DSCAML1: variants seen among roughly 807,000 people sequenced by gnomAD.
DSCAML1 encodes the protein DS cell adhesion molecule like 1, also known as cell adhesion molecule DSCAML1.
DSCAML1 carries 38 observed loss-of-function variants against 200.5 expected under a neutral mutation model. That is an observed-to-expected ratio of 0.19 (90% CI 0.15 to 0.25). The LOEUF is 0.25. DSCAML1 is among the 10% of genes least tolerant of loss of function. DSCAML1 has a pLI of 1.00. For missense variants in DSCAML1, 2,223 were observed against 2,858.8 expected (o/e 0.78, Z 5.07); for synonymous variants, 1,215 against 1,165.0 (o/e 1.04, Z -0.87).
At chr11:117,610,602 A>C (rs939100368) in intron 3 of DSCAML1, among the ~76,000 whole-genome samples, 2 of 151,904 alleles carry the variant, frequency 1.3e-5, no homozygotes, top group African/African-American at 4.8e-5. Flanking sequence ...GACCTCCCAC[A>C]GCCAGACACC....
intron 3 of DSCAML1, among the ~76,000 whole-genome samples, chr11:117,632,327 G>C (rs1230530885): frequency 6.6e-6 from 1 of 152,166 alleles, no homozygotes; most frequent in African/African-American, 2.4e-5. Flanking sequence ...GGCTGCTCTT[G>C]CTGCTGGTTT....
At position 117,518,637 on chromosome 11, in the gene DSCAML1, G is replaced by A; in HGVS notation, c.1339C>T (p.Pro447Ser). 6.2e-7 allele frequency: 1 copy of A among 1,613,448 alleles called. No individual in the cohort carries two copies. The highest frequency in any genetic ancestry group is 8.5e-7 in the Non-Finnish European group (1 of 1,179,910). ...CGGTGGCTGCCATCCCGCACGATGG[G>A]CTCATCGTCGAGGGCCCAGGTGACC... is the stretch of plus-strand genomic sequence containing the variant. ...PTVTWALDDE[P>S]IVRDGSHRTN... The change falls in exon 7 of 33, where the codon CCC (proline) becomes TCC (serine). Residue 447 changes from proline (P) to serine (S), a missense_variant. By Grantham distance (74) the Pro-to-Ser change is moderately conservative. Around this residue, in one of 7 missense-constraint regions of DSCAML1, gnomAD observed 579 missense variants for 721.5 expected, o/e 0.80. Coordinates refer to ENST00000651296, the MANE Select transcript of DSCAML1 (RefSeq NM_020693.4). The surrounding 1 kb of genome is among the most constrained non-coding windows in gnomAD (Gnocchi z 6.3).
chr11:117,568,258 G>A (rs2050789276), intron 3 of DSCAML1, among the ~76,000 whole-genome samples: 1 of 152,102 alleles, frequency 6.6e-6, no homozygotes, highest in African/African-American at 2.4e-5. Context: ...CAAACCCACA[G>A]CCAATATCAT....
chr11:117,744,290 C>G (rs1451477054), intron 3 of DSCAML1, among the ~76,000 whole-genome samples: 1 of 152,210 alleles, frequency 6.6e-6, no homozygotes, highest in Non-Finnish European at 1.5e-5. Flanking sequence ...TGGCCTGCGT[C>G]CAGCTCTTGA....
chr11:117,649,034 C>CATAT (rs150907068), intron 3 of DSCAML1, among the ~76,000 whole-genome samples: 32,674 of 122,728 alleles, frequency 0.27, 5,088 homozygotes, highest in Non-Finnish European at 0.34. Flanking sequence ...TCTCTCTCTC[C>CATAT]ATATATATGT....
intron 14 of DSCAML1, among the ~76,000 whole-genome samples, chr11:117,474,640 G>T (rs1441742279): frequency 6.6e-6 from 1 of 151,950 alleles, no homozygotes; most frequent in Non-Finnish European, 1.5e-5. Flanking sequence ...TGCTTACCCA[G>T]CAACTTCCTG....
chr11:117,634,564 G>A (rs1242521110), intron 3 of DSCAML1, among the ~76,000 whole-genome samples: 1 of 152,200 alleles, frequency 6.6e-6, no homozygotes, highest in African/African-American at 2.4e-5. Flanking sequence ...CAGGGCCCTG[G>A]AGTAAGCCTG....
intron 1 of DSCAML1, among the ~76,000 whole-genome samples, chr11:117,805,912 G>C (rs960025437): frequency 9.9e-5 from 15 of 152,190 alleles, no homozygotes; most frequent in African/African-American, 3.4e-4. Context: ...AGCATCTCCT[G>C]CAAGTGCCTA....
intron 3 of DSCAML1, among the ~76,000 whole-genome samples, chr11:117,651,903 G>T (rs145211228): frequency 6.6e-6 from 1 of 152,128 alleles, no homozygotes; most frequent in Non-Finnish European, 1.5e-5. Context: ...GGATGACAAT[G>T]CCTACTCTGC....
At chr11:117,587,713 G>A (rs2051177846) in intron 3 of DSCAML1, among the ~76,000 whole-genome samples, 1 of 152,224 alleles carries the variant, frequency 6.6e-6, no homozygotes, top group African/African-American at 2.4e-5. Flanking sequence ...GGGATGGAAA[G>A]TGTGACTTAG....
Position 117,471,914 on chromosome 11 carries a change from G to A in DSCAML1, c.2908C>T (p.Arg970Cys), listed in dbSNP as rs780926781. The A allele has an allele frequency of 1.7e-5, 28 of 1,610,888 alleles. No individual in the cohort carries two copies. Among genetic ancestry groups the A allele is most frequent in the East Asian group, 2.2e-5 (1 of 44,882 alleles). Residue 970 changes from arginine to cysteine, a missense_variant, in exon 15 of 33, where the codon CGC (arginine) becomes TGC (cysteine). Coordinates refer to ENST00000651296, the MANE Select transcript of DSCAML1 (RefSeq NM_020693.4). ...IRMYSFNKIG[R>C]SEPSKELTIS... ...GTGAGCTCCTTGCTTGGTTCACTGC[G>A]GCCAATCTTGTTGAAAGAGTACATG...
chr11:117,721,727 C>G (rs1248170202), intron 3 of DSCAML1, among the ~76,000 whole-genome samples: 2 of 144,492 alleles, frequency 1.4e-5, no homozygotes, highest in East Asian at 2.0e-4. Flanking sequence ...TATCATATAT[C>G]ATATATAAAT....
chr11:117,518,382 C>T lies in DSCAML1; in HGVS notation c.1510+84G>A, dbSNP rs1283184899. 1 of 1,544,782 alleles carries T rather than the reference C, an allele frequency of 6.5e-7. No homozygotes were observed. Among genetic ancestry groups the T allele is most frequent in the African/African-American group, 1.4e-5 (1 of 73,642 alleles). On this transcript the variant is annotated intron_variant, in intron 7 of 32. Coordinates refer to ENST00000651296, the MANE Select transcript of DSCAML1 (RefSeq NM_020693.4). This position sits in a 1 kb window ranked among gnomAD's most constrained non-coding sequence, Gnocchi z 6.3. ...TCAAAATGACGATTAATAATAAGTA[C>T]TAATCAGCACAAGAATAATGGTAAC...
At position 117,461,441 on chromosome 11, in the gene DSCAML1, C is replaced by G; in HGVS notation, c.3412+9G>C. 1.2e-6 allele frequency: 2 copies of G among 1,614,154 alleles called. No homozygotes were observed. Among genetic ancestry groups the G allele is most frequent in the Admixed American group, 1.7e-5 (1 of 60,026 alleles). ...CCTGAGTCCCAGCCATCAGTCCCAG[C>G]AGACTCACCCCCATCAACATAGAGG... On this transcript the variant is annotated intron_variant, in intron 18 of 32. Coordinates refer to ENST00000651296, the MANE Select transcript of DSCAML1 (RefSeq NM_020693.4).
chr11:117,640,001 C>T (rs1234610903), intron 3 of DSCAML1, among the ~76,000 whole-genome samples: 2 of 152,176 alleles, frequency 1.3e-5, no homozygotes, highest in Non-Finnish European at 2.9e-5. Context: ...TGTGTGGGTG[C>T]TGTGACTTGG....
chr11:117,496,566 C>T (rs751383009), intron 11 of DSCAML1, among the ~76,000 whole-genome samples: 1 of 152,220 alleles, frequency 6.6e-6, no homozygotes, highest in Non-Finnish European at 1.5e-5. Flanking sequence ...ATACAGGATA[C>T]ACACAATTTT....
chr11:117,695,634 G>A (rs947410379), intron 3 of DSCAML1, among the ~76,000 whole-genome samples: 8 of 152,140 alleles, frequency 5.3e-5, no homozygotes, highest in South Asian at 2.1e-4. Context: ...ACCCCAAAAC[G>A]TGAATTCCAA....
At chr11:117,728,693 C>T (rs1360931506) in intron 3 of DSCAML1, among the ~76,000 whole-genome samples, 1 of 152,138 alleles carries the variant, frequency 6.6e-6, no homozygotes, top group Non-Finnish European at 1.5e-5. Flanking sequence ...TTTACAATAG[C>T]ATCCAAAAAG....
At chr11:117,495,754 C>T (rs2049278136) in intron 11 of DSCAML1, among the ~76,000 whole-genome samples, 1 of 152,170 alleles carries the variant, frequency 6.6e-6, no homozygotes, top group Admixed American at 6.5e-5. Context: ...GACCATCATC[C>T]TCATCTCTCA....
Sources: gnomAD v4.1 joint callset for allele counts (sites outside exome capture counted in the v4.1 genomes callset) on GRCh38, gnomAD v4.1.1 for gene constraint, gnomAD v4.1.1 regional missense constraint, Gnocchi (gnomAD v3.1) non-coding constraint, MANE v1.5 for transcripts, NCBI Gene and HGNC (gene_info 2026-07-23, HGNC 2026-07-21) for gene names.